Variants in RARB observed in about 807,000 individuals in gnomAD.
RARB encodes the protein retinoic acid receptor beta.
In RARB, 17 loss-of-function variants were observed where a neutral mutation model predicts 51.9. That is an observed-to-expected ratio of 0.33 (90% CI 0.22 to 0.49). The LOEUF is 0.49. Among genes scored for constraint, RARB ranks in the 20% least tolerant of loss-of-function variants. The pLI, the probability that RARB is intolerant of heterozygous loss-of-function variation, is 0.99. For synonymous variants in RARB, 215 were observed against 195.4 expected (o/e 1.10, Z -0.84); for missense variants, 369 against 550.8 (o/e 0.67, Z 3.30).
chr3:24,891,531 A>G (rs1028621896), intron 2 of RARB, among the ~76,000 whole-genome samples: 1 of 152,210 alleles, frequency 6.6e-6, no homozygotes, highest in African/African-American at 2.4e-5. Flanking sequence ...AACATTCAGC[A>G]AATGTTACCT....
intron 5 of RARB, among the ~76,000 whole-genome samples, chr3:25,218,841 C>T (rs1701887475): frequency 6.6e-6 from 1 of 151,716 alleles, no homozygotes; most frequent in African/African-American, 2.4e-5. Flanking sequence ...CCAGGACTAA[C>T]ACTCGACTTT....
intron 3 of RARB, among the ~76,000 whole-genome samples, chr3:25,119,819 G>A (rs909016947): frequency 3.3e-5 from 5 of 152,110 alleles, no homozygotes; most frequent in Admixed American, 2.0e-4. Context: ...AGAGCTGGTG[G>A]TCTGTATTTT....
intron 2 of RARB, among the ~76,000 whole-genome samples, chr3:24,980,526 A>C (rs148709186): frequency 6.6e-6 from 1 of 152,106 alleles, no homozygotes; most frequent in African/African-American, 2.4e-5. Flanking sequence ...CAGTCGATCA[A>C]ATTCGATCCT....
intron 2 of RARB, among the ~76,000 whole-genome samples, chr3:25,036,851 G>A (rs1434109614): frequency 6.6e-6 from 1 of 152,144 alleles, no homozygotes; most frequent in East Asian, 1.9e-4. Context: ...GGTTTCTTTG[G>A]CACCTTGTCC....
intron 3 of RARB, among the ~76,000 whole-genome samples, chr3:25,503,625 A>G (rs1238564252): frequency 1.3e-5 from 2 of 152,202 alleles, no homozygotes; most frequent in Non-Finnish European, 2.9e-5. Flanking sequence ...AAATGGGATC[A>G]TTATGTCCAA....
At chr3:25,234,933 G>T (rs1223150951) in intron 5 of RARB, among the ~76,000 whole-genome samples, 1 of 152,056 alleles carries the variant, frequency 6.6e-6, no homozygotes, top group East Asian at 1.9e-4. Flanking sequence ...ACGATTTTAT[G>T]ACTGGGAACA....
chr3:24,854,413 T>C (rs1358441419), intron 1 of RARB, among the ~76,000 whole-genome samples: 1 of 152,230 alleles, frequency 6.6e-6, no homozygotes, highest in Non-Finnish European at 1.5e-5. Context: ...TACCACATTC[T>C]ATTGCTGGGG....
At chr3:25,092,606 G>T (rs909298788) in intron 3 of RARB, among the ~76,000 whole-genome samples, 5 of 152,036 alleles carry the variant, frequency 3.3e-5, no homozygotes, top group Admixed American at 6.6e-5. Context: ...TGTAATCTTT[G>T]ATTCAAATTA....
intron 2 of RARB, among the ~76,000 whole-genome samples, chr3:25,055,680 A>T (rs1016933887): frequency 6.6e-6 from 1 of 152,204 alleles, no homozygotes; most frequent in African/African-American, 2.4e-5. Context: ...AGAGGAGGCC[A>T]ATAAAGGGAC....
chr3:25,183,750 A>T lies in RARB; in HGVS notation c.178+9175A>T, dbSNP rs564098252. Among the ~76,000 whole-genome samples the T allele has an allele frequency of 1.8e-4, 28 of 152,246 alleles. 1 individual carries two copies. The South Asian group carries it at 5.6e-3, about 30-fold the overall frequency. ...CTTTGCCTCAGCTTCTAGTGTCCAGAATTCTTGGACAGTCTTTCAACAGTC... is the reference window on the plus strand; with the variant it reads ...CTTTGCCTCAGCTTCTAGTGTCCAGTATTCTTGGACAGTCTTTCAACAGTC... On this transcript the variant is annotated intron_variant, in intron 5 of 11. Coordinates refer to the RARB transcript ENST00000383772.
chr3:25,089,595 G>C (rs1299107285), intron 3 of RARB, among the ~76,000 whole-genome samples: 2 of 152,060 alleles, frequency 1.3e-5, no homozygotes, highest in Admixed American at 6.6e-5. Context: ...ACTTAAAGTG[G>C]TCTGAAGCAA....
chr3:25,390,075 A>G (rs1706907374), intron 5 of RARB, among the ~76,000 whole-genome samples: 1 of 152,170 alleles, frequency 6.6e-6, no homozygotes, highest in Non-Finnish European at 1.5e-5. Context: ...GAATGTTTGT[A>G]TCACCCCAAA....
At chr3:25,192,423 C>T (rs1156710146) in intron 5 of RARB, among the ~76,000 whole-genome samples, 1 of 152,094 alleles carries the variant, frequency 6.6e-6, no homozygotes. Flanking sequence ...ATAAGATACA[C>T]CTATTCAATA....
At chr3:25,500,203 T>C (rs1386736815) in intron 2 of RARB, among the ~76,000 whole-genome samples, 1 of 152,210 alleles carries the variant, frequency 6.6e-6, no homozygotes, top group Non-Finnish European at 1.5e-5. Context: ...TTCTTAATTT[T>C]ATTTACTTTT....
intron 2 of RARB, among the ~76,000 whole-genome samples, chr3:25,054,604 CT>C (rs1315001435): frequency 1.3e-5 from 2 of 152,140 alleles, no homozygotes; most frequent in African/African-American, 4.8e-5. Context: ...TAAATATTTC[CT>C]AGCACTTGCC....
At chr3:24,923,795 C>G (rs1695264931) in intron 2 of RARB, among the ~76,000 whole-genome samples, 1 of 152,102 alleles carries the variant, frequency 6.6e-6, no homozygotes, top group Admixed American at 6.6e-5. Context: ...ACTGGTAGAG[C>G]TTGAAGAAAT....
intron 3 of RARB, among the ~76,000 whole-genome samples, chr3:25,089,419 G>C (rs1294511061): frequency 6.6e-6 from 1 of 151,730 alleles, no homozygotes; most frequent in African/African-American, 2.4e-5. Context: ...TTTCCAGCAG[G>C]GATAAATAAA....
chr3:25,041,194 ATTAC>A (rs1698107062), intron 2 of RARB, among the ~76,000 whole-genome samples: 1 of 152,172 alleles, frequency 6.6e-6, no homozygotes, highest in African/African-American at 2.4e-5. Context: ...TGTTCTGGCT[ATTAC>A]TTACTGTTTC....
At chr3:25,387,158 G>T (rs921576850) in intron 5 of RARB, among the ~76,000 whole-genome samples, 1 of 152,170 alleles carries the variant, frequency 6.6e-6, no homozygotes, top group Non-Finnish European at 1.5e-5. Context: ...TGAAGAAATG[G>T]CTTGAAGATG....
Sources: allele counts gnomAD v4.1 joint callset (sites outside exome capture counted in the v4.1 genomes callset), GRCh38; gene constraint gnomAD v4.1.1; transcripts MANE v1.5; gene names NCBI Gene and HGNC (gene_info 2026-07-23, HGNC 2026-07-21).